Variants in BLNK observed in about 807,000 individuals in gnomAD.
The protein encoded by BLNK is B cell linker.
A neutral mutation model predicts 73.5 loss-of-function variants in BLNK; 29 were observed. The observed-to-expected ratio is 0.39, with a 90% CI of 0.29 to 0.54. The LOEUF (loss-of-function observed/expected upper bound fraction) is 0.54. BLNK is among the 20% of genes least tolerant of loss of function. The pLI is 0.61. For synonymous variants in BLNK, 176 were observed against 200.8 expected (o/e 0.88, Z 1.04); for missense variants, 460 against 562.8 (o/e 0.82, Z 1.85).
At chr10:96,223,783 C>T in intron 6 of BLNK, 43 bp downstream of exon 6, 2 of 1,610,394 alleles carry the variant, frequency 1.2e-6, no homozygotes, top group Non-Finnish European at 1.7e-6. Flanking sequence ...TTGCCCCACC[C>T]CCCTCTGTGT....
intron 1 of BLNK, among the ~76,000 whole-genome samples, chr10:96,266,394 G>C (rs1844006000): frequency 6.6e-6 from 1 of 152,218 alleles, no homozygotes; most frequent in Admixed American, 6.5e-5. Context: ...CAATCACTGG[G>C]TCCAGAAGAG....
chr10:96,214,189 A>G (rs146445765), intron 8 of BLNK, among the ~76,000 whole-genome samples: 1 of 152,246 alleles, frequency 6.6e-6, no homozygotes, highest in Non-Finnish European at 1.5e-5. Context: ...GGAGAGGGAC[A>G]AGGGGAGAGA....
At chr10:96,271,267 G>A in intron 1 of BLNK, 85 bp downstream of exon 1, 1 of 1,484,876 alleles carries the variant, frequency 6.7e-7, no homozygotes, top group South Asian at 1.1e-5. Context: ...AAGCATTCCA[G>A]GATTTCAGTA....
chr10:96,226,567 G>A (rs202064881), intron 5 of BLNK, among the ~76,000 whole-genome samples: 2 of 152,200 alleles, frequency 1.3e-5, no homozygotes, highest in East Asian at 1.9e-4. Flanking sequence ...GGGGCCAGGC[G>A]CAGTGGCTTA....
chr10:96,202,616 G>A (rs185116587), intron 13 of BLNK, among the ~76,000 whole-genome samples: 1 of 152,136 alleles, frequency 6.6e-6, no homozygotes, highest in Admixed American at 6.6e-5. Flanking sequence ...GTAAGAGGAG[G>A]GGGCAGTGAG....
chr10:96,230,692 G>T, intron 4 of BLNK, 102 bp downstream of exon 4: 1 of 1,362,340 alleles, frequency 7.3e-7, no homozygotes, highest in Non-Finnish European at 1.0e-6. Context: ...CTTCCCTCTT[G>T]GGACGTGCGG....
intron 1 of BLNK, among the ~76,000 whole-genome samples, chr10:96,257,126 G>A (rs782347992): frequency 2.6e-5 from 4 of 152,126 alleles, no homozygotes; most frequent in Non-Finnish European, 4.4e-5. Flanking sequence ...GAGATGTTTC[G>A]GGTCCAGTGA....
intron 4 of BLNK, among the ~76,000 whole-genome samples, chr10:96,228,058 G>A (rs1554903037): frequency 1.3e-5 from 2 of 151,124 alleles, no homozygotes; most frequent in African/African-American, 4.9e-5. Flanking sequence ...GCAGGGTCAA[G>A]GCTTCAAATG....
At chr10:96,244,595 G>A (rs916280376) in intron 2 of BLNK, among the ~76,000 whole-genome samples, 8 of 152,114 alleles carry the variant, frequency 5.3e-5, no homozygotes, top group Non-Finnish European at 5.9e-5. Flanking sequence ...TGCTTCCTCC[G>A]TTCAGGGTAG....
At chr10:96,267,087 C>A (rs1844037785) in intron 1 of BLNK, among the ~76,000 whole-genome samples, 1 of 152,180 alleles carries the variant, frequency 6.6e-6, no homozygotes, top group Non-Finnish European at 1.5e-5. Flanking sequence ...CTAAATATAT[C>A]AAGAAATATT....
chr10:96,269,858 G>A (rs1554915174), intron 1 of BLNK, among the ~76,000 whole-genome samples: 1 of 152,038 alleles, frequency 6.6e-6, no homozygotes, highest in African/African-American at 2.4e-5. Flanking sequence ...CTTGTGTTAA[G>A]CTTTGAGTGA....
intron 10 of BLNK, among the ~76,000 whole-genome samples, chr10:96,207,551 C>T (rs1164587633): frequency 6.6e-6 from 1 of 152,240 alleles, no homozygotes; most frequent in Admixed American, 6.5e-5. Context: ...ACACAATGGT[C>T]TACCATTAGC....
At chr10:96,260,747 T>A (rs1267753940) in intron 1 of BLNK, among the ~76,000 whole-genome samples, 1 of 152,202 alleles carries the variant, frequency 6.6e-6, no homozygotes, top group Non-Finnish European at 1.5e-5. Context: ...TGGGAATGTC[T>A]TGTATGTAGG....
Position 96,190,146 on chromosome 10 carries a change from G to A in BLNK, c.*1827C>T, listed in dbSNP as rs782642007. 4 of 971,378 alleles carry A rather than the reference G, an allele frequency of 4.1e-6. No homozygotes were observed. The highest frequency in any genetic ancestry group is 2.4e-5 in the East Asian group (1 of 41,732). 60.2% of individuals were successfully genotyped at this position (971,378 alleles called of 1,614,324 possible). A position where few individuals can be genotyped will look rare whatever the true frequency, so the allele number is the denominator to read the frequency against. On this transcript the variant is annotated 3_prime_UTR_variant, in exon 17 of 17. Transcript: ENST00000224337. ...CCACCTTAAAGTGATCATCTTTGTCGGCCTTTAGTTCACAACTGAAAAGAT... is the reference window on the plus strand; with the variant it reads ...CCACCTTAAAGTGATCATCTTTGTCAGCCTTTAGTTCACAACTGAAAAGAT...
Position 96,200,008 on chromosome 10 carries a change from C to T in BLNK, c.1095+67G>A, listed in dbSNP as rs2083588497. On this transcript the variant is annotated intron_variant, in intron 15 of 16. Coordinates refer to ENST00000224337, the MANE Select transcript of BLNK (RefSeq NM_013314.4). The surrounding 1 kb of genome is among the most constrained non-coding windows in gnomAD (Gnocchi z 4.3). ...GAGCCACTGCACTCCAGTGAAACTG[C>T]ATCATCTCAAAACAAATAAATAAAA... The T allele has an allele frequency of 4.0e-6, 4 of 991,956 alleles. No individual in the cohort carries two copies. Among genetic ancestry groups the T allele is most frequent in the Non-Finnish European group, 5.1e-6 (4 of 778,658 alleles). The allele number at this position is 991,956 out of a possible 1,614,324, so 61.4% of individuals were successfully genotyped here. A position where few individuals can be genotyped will look rare whatever the true frequency, so the allele number is the denominator to read the frequency against.
intron 15 of BLNK, among the ~76,000 whole-genome samples, chr10:96,198,026 A>T (rs142876413): frequency 6.6e-6 from 1 of 151,974 alleles, no homozygotes; most frequent in East Asian, 1.9e-4. Context: ...AAAATAAAAA[A>T]TTACGAACAA....
chr10:96,225,273 C>T (rs587659714), intron 5 of BLNK, among the ~76,000 whole-genome samples: 24 of 152,334 alleles, frequency 1.6e-4, no homozygotes, highest in African/African-American at 5.8e-4. Flanking sequence ...GGTGCTAGCA[C>T]TGGCCTCTGG....
At chr10:96,234,012 T>C (rs587689921) in intron 3 of BLNK, among the ~76,000 whole-genome samples, 1 of 152,224 alleles carries the variant, frequency 6.6e-6, no homozygotes, top group African/African-American at 2.4e-5. Context: ...GTAGGTGTTA[T>C]TTTTATCTCT....
intron 8 of BLNK, among the ~76,000 whole-genome samples, chr10:96,210,950 G>A (rs1002061957): frequency 6.7e-6 from 1 of 150,304 alleles, no homozygotes; most frequent in Non-Finnish European, 1.5e-5. Flanking sequence ...CTTACTGGAG[G>A]CTTCAAACTC....
Sources: gnomAD v4.1 joint callset for allele counts (sites outside exome capture counted in the v4.1 genomes callset) on GRCh38, gnomAD v4.1.1 for gene constraint, Gnocchi (gnomAD v3.1) non-coding constraint, MANE v1.5 for transcripts, NCBI Gene and HGNC (gene_info 2026-07-23, HGNC 2026-07-21) for gene names.